Variants in RELN observed in about 807,000 individuals in gnomAD.
RELN encodes reelin.
A neutral mutation model predicts 427.6 loss-of-function variants in RELN; 108 were observed. That is an observed-to-expected ratio of 0.25 (90% CI 0.22 to 0.30). RELN has a LOEUF of 0.30. Among genes scored for constraint, RELN ranks in the 10% least tolerant of loss-of-function variants. The pLI, the probability that RELN is intolerant of heterozygous loss-of-function variation, is 1.00. For synonymous variants in RELN, 1,524 were observed against 1,513.4 expected, an observed-to-expected ratio of 1.01 and a Z score of -0.16; for missense variants, 3,715 against 4,302.8, an observed-to-expected ratio of 0.86 and a Z score of 3.82.
At chr7:103,592,642 C>T (rs1310652077) in intron 27 of RELN, among the ~76,000 whole-genome samples, 3 of 152,110 alleles carry the variant, frequency 2.0e-5, no homozygotes, top group Non-Finnish European at 2.9e-5. Context: ...ATATTTAACA[C>T]TATTTTTTAA....
chr7:103,630,411 A>G (rs1054672980), intron 19 of RELN, among the ~76,000 whole-genome samples: 2 of 152,128 alleles, frequency 1.3e-5, no homozygotes, highest in African/African-American at 4.8e-5. Flanking sequence ...CTCAATAAAC[A>G]TGGTGGTCAA....
intron 6 of RELN, among the ~76,000 whole-genome samples, chr7:103,747,949 A>C (rs2116056661): frequency 6.6e-6 from 1 of 152,146 alleles, no homozygotes; most frequent in African/African-American, 2.4e-5. Flanking sequence ...CAACAACAGA[A>C]TTTGCACCAC....
Position 103,977,310 on chromosome 7 carries a change from C to CAAAAAAAAAAAA in RELN, c.226+11809_226+11820dup, listed in dbSNP as rs201026012. Among the ~76,000 whole-genome samples, 48 of 88,260 alleles carry CAAAAAAAAAAAA rather than the reference C, an allele frequency of 5.4e-4. 2 individuals are homozygous for CAAAAAAAAAAAA. The highest frequency in any genetic ancestry group is 2.3e-3 in the African/African-American group (44 of 19,274). 57.9% of individuals were successfully genotyped at this position (88,260 alleles called of 152,430 possible). A position where few individuals can be genotyped will look rare whatever the true frequency, so the allele number is the denominator to read the frequency against. ...TGGGTGACAGAGTGAGACTCTGTCT[C>CAAAAAAAAAAAA]AAAAAAAAAAAAAAAAAAAAAAAAA... On this transcript the variant is annotated intron_variant, in intron 1 of 64. Coordinates refer to ENST00000428762, the MANE Select transcript of RELN (RefSeq NM_005045.4).
At chr7:103,549,555 G>C (rs764590254) in intron 41 of RELN, among the ~76,000 whole-genome samples, 1 of 152,148 alleles carries the variant, frequency 6.6e-6, no homozygotes, top group East Asian at 1.9e-4. Context: ...ATGGTTTTTC[G>C]ACAGCTATGC....
At chr7:103,939,616 A>T (rs759848733) in intron 1 of RELN, among the ~76,000 whole-genome samples, 1 of 152,198 alleles carries the variant, frequency 6.6e-6, no homozygotes. Flanking sequence ...ATGCTCCTTG[A>T]TCTAGCAATT....
intron 2 of RELN, among the ~76,000 whole-genome samples, chr7:103,908,367 G>C (rs1366793349): frequency 6.6e-6 from 1 of 152,148 alleles, no homozygotes; most frequent in Admixed American, 6.5e-5. Flanking sequence ...TATTTGAACT[G>C]ATAATCTCAT....
At chr7:103,636,206 TG>T in intron 18 of RELN, 28 bp downstream of exon 18, 1 of 1,421,058 alleles carries the variant, frequency 7.0e-7, no homozygotes, top group Non-Finnish European at 9.9e-7. Context: ...ATCTGGTTTT[TG>T]TATGTATTCT....
chr7:103,606,806 C>A (rs1006051391), intron 22 of RELN, among the ~76,000 whole-genome samples: 1 of 151,898 alleles, frequency 6.6e-6, no homozygotes, highest in African/African-American at 2.4e-5. Context: ...ATATTATTTC[C>A]TTAGGACACA....
chr7:103,946,926 G>T (rs1194813722), intron 1 of RELN, among the ~76,000 whole-genome samples: 1 of 152,122 alleles, frequency 6.6e-6, no homozygotes, highest in Non-Finnish European at 1.5e-5. Context: ...AACTCCCCTA[G>T]ACAAATGTAA....
rs141397961 is a variant in RELN at position 103,492,033 on chromosome 7, CAAACAT to C, written c.9370-13_9370-8del. On this transcript the variant is annotated splice_region_variant and splice_polypyrimidine_tract_variant and intron_variant, in intron 57 of 64. Transcript: ENST00000428762. The stretch of plus-strand genomic sequence containing the variant: ...CTTCACAACCCACCACAATCTAAAA[CAAACAT>C]AAACAATCAATACACAGGTAAGATT... 2.9e-3 allele frequency: 4,667 copies of C among 1,605,952 alleles called. 113 individuals are homozygous for C. The African/African-American group carries it at 0.052, about 18-fold the overall frequency.
intron 8 of RELN, among the ~76,000 whole-genome samples, chr7:103,717,283 A>G (rs1789961437): frequency 6.7e-6 from 1 of 149,890 alleles, no homozygotes; most frequent in Non-Finnish European, 1.5e-5. Flanking sequence ...TTTGAGATAA[A>G]TATATATTTA....
chr7:103,952,998 T>C (rs1001102669), intron 1 of RELN, among the ~76,000 whole-genome samples: 7 of 152,182 alleles, frequency 4.6e-5, no homozygotes, highest in Non-Finnish European at 1.0e-4. Flanking sequence ...TATACTCCTC[T>C]ATAATCTCAT....
intron 3 of RELN, 87 bp from the exon 4 acceptor site, chr7:103,776,714 T>G: frequency 7.9e-7 from 1 of 1,267,730 alleles, no homozygotes; most frequent in East Asian, 2.4e-5. Context: ...AAGCTTATTC[T>G]TAAACTTTAT....
At position 103,819,165 on chromosome 7, in the gene RELN, A is replaced by G. The variant is rs937872422; in HGVS notation, c.473+14372T>C. On this transcript the variant is annotated intron_variant, in intron 3 of 64. Coordinates refer to ENST00000428762, the MANE Select transcript of RELN (RefSeq NM_005045.4). Reference sequence around the variant, plus strand: ...GTACATAGGCATTGCTTTCATAATCAGAGGTAAAATTGTATTAAAACTCAT... The same window carrying G: ...GTACATAGGCATTGCTTTCATAATCGGAGGTAAAATTGTATTAAAACTCAT... 3.9e-5 allele frequency among the ~76,000 whole-genome samples: 6 copies of G among 152,160 alleles called. No individual in the cohort carries two copies. The South Asian group carries it at 1.0e-3, about 26-fold the overall frequency.
At chr7:103,927,268 G>A (rs912730960) in intron 1 of RELN, among the ~76,000 whole-genome samples, 1 of 152,136 alleles carries the variant, frequency 6.6e-6, no homozygotes, top group African/African-American at 2.4e-5. Flanking sequence ...TGAACCATCT[G>A]TATGTTTATA....
chr7:103,627,469 GT>G (rs1832353438), intron 20 of RELN, among the ~76,000 whole-genome samples: 1 of 152,018 alleles, frequency 6.6e-6, no homozygotes, highest in African/African-American at 2.4e-5. Flanking sequence ...ACTAAAAGGG[GT>G]TTATTCTGAC....
chr7:103,517,161 T>A (rs1173528460), intron 49 of RELN, among the ~76,000 whole-genome samples: 4 of 151,578 alleles, frequency 2.6e-5, no homozygotes, highest in Non-Finnish European at 5.9e-5. Flanking sequence ...TTGAAGCTCA[T>A]CTGTCTTCCC....
At chr7:103,595,987 T>G (rs1469302310) in intron 25 of RELN, among the ~76,000 whole-genome samples, 2 of 152,102 alleles carry the variant, frequency 1.3e-5, no homozygotes, top group African/African-American at 4.8e-5. Flanking sequence ...CAGGGCAAAA[T>G]TTTTAGAAAA....
At chr7:103,712,929 T>C (rs905300195) in intron 8 of RELN, among the ~76,000 whole-genome samples, 6 of 152,192 alleles carry the variant, frequency 3.9e-5, no homozygotes, top group Non-Finnish European at 7.3e-5. Context: ...CCAGGACTTT[T>C]CAAAGTAAAT....
Sources: gnomAD v4.1 joint callset for allele counts (sites outside exome capture counted in the v4.1 genomes callset) on GRCh38, gnomAD v4.1.1 for gene constraint, MANE v1.5 for transcripts, NCBI Gene and HGNC (gene_info 2026-07-23, HGNC 2026-07-21) for gene names.